MAP3K3: variants seen among roughly 807,000 people sequenced by gnomAD.
MAP3K3 encodes the protein MAP/ERK kinase kinase 3.
A neutral mutation model predicts 80.9 loss-of-function variants in MAP3K3; 12 were observed. The observed-to-expected ratio is 0.15, with a 90% CI of 0.10 to 0.24. MAP3K3 has a LOEUF of 0.24. Ranked by LOEUF, MAP3K3 falls within the 10% of genes least tolerant of loss-of-function variation. The pLI is 1.00. For synonymous variants in MAP3K3, 272 were observed against 307.1 expected (o/e 0.89, Z 1.19); for missense variants, 596 against 834.7 (o/e 0.71, Z 3.52).
chr17:63,688,904 C>T (rs771710129), intron 10 of MAP3K3, 23 bp downstream of exon 10: 13 of 1,576,394 alleles, frequency 8.2e-6, no homozygotes, highest in East Asian at 2.2e-5. Context: ...TCACCTGCTC[C>T]CTGCTGGCTG....
intron 5 of MAP3K3, among the ~76,000 whole-genome samples, chr17:63,658,657 A>T (rs1180311260): frequency 6.6e-6 from 1 of 151,992 alleles, no homozygotes; most frequent in Non-Finnish European, 1.5e-5. Flanking sequence ...TGGACAGCCA[A>T]CATGGCAGCA....
At position 63,689,841 on chromosome 17, in the gene MAP3K3, C is replaced by A; in HGVS notation, c.1063+106C>A. ...GACCCTTAGGCTCAGCAGGTGGTGG[C>A]TTTGGCCCAAATGCACCACATGGGA... On this transcript the variant is annotated intron_variant, in intron 11 of 15. Transcript: ENST00000361733. The surrounding 1 kb of genome is among the most constrained non-coding windows in gnomAD (Gnocchi z 4.3). The A allele has an allele frequency of 8.8e-7, 1 of 1,139,038 alleles. No homozygotes were observed. Among genetic ancestry groups the A allele is most frequent in the African/African-American group, 1.6e-5 (1 of 64,126 alleles). 70.6% of individuals were successfully genotyped at this position (1,139,038 alleles called of 1,614,324 possible).
chr17:63,631,728 G>A (rs1398652050), intron 1 of MAP3K3, among the ~76,000 whole-genome samples: 5 of 152,182 alleles, frequency 3.3e-5, no homozygotes, highest in Non-Finnish European at 7.3e-5. Context: ...GGGATTAAAA[G>A]TAATGCCAGT....
chr17:63,628,320 T>C (rs1250639304), intron 1 of MAP3K3, among the ~76,000 whole-genome samples: 2 of 152,184 alleles, frequency 1.3e-5, no homozygotes, highest in Non-Finnish European at 2.9e-5. Flanking sequence ...TTTTTATACA[T>C]TTGTATTTAT....
chr17:63,654,871 G>A (rs762237596), intron 4 of MAP3K3, among the ~76,000 whole-genome samples: 8 of 151,958 alleles, frequency 5.3e-5, no homozygotes, highest in Non-Finnish European at 8.8e-5. Context: ...CGCCGTCTCT[G>A]CTGCTGATAT....
Position 63,666,969 on chromosome 17 carries a change from C to T in MAP3K3, c.411C>T (p.Ser137=), listed in dbSNP as rs746273875. Residue 137 remains serine, a synonymous_variant, in exon 6 of 16, where the codon TCC becomes TCT. Transcript: ENST00000361733. ...GTTCCTCTCCCCACTCTGGGGTGTCCAGACAGGTGCGGATCAAGGCTTCCC... is the reference window on the plus strand; with the variant it reads ...GTTCCTCTCCCCACTCTGGGGTGTCTAGACAGGTGCGGATCAAGGCTTCCC... ...HNSSSPHSGV[S]RQVRIKASQS... 10 of 1,613,062 alleles carry T rather than the reference C, an allele frequency of 6.2e-6. No homozygotes were observed. Among genetic ancestry groups the T allele is most frequent in the Non-Finnish European group, 8.5e-6 (10 of 1,179,752 alleles).
intron 2 of MAP3K3, among the ~76,000 whole-genome samples, chr17:63,643,200 A>G (rs1244788694): frequency 1.3e-5 from 2 of 152,186 alleles, no homozygotes; most frequent in African/African-American, 4.8e-5. Context: ...TACTAATGTA[A>G]GATATTAATA....
At chr17:63,655,606 T>G (rs2034750535) in intron 4 of MAP3K3, among the ~76,000 whole-genome samples, 1 of 152,032 alleles carries the variant, frequency 6.6e-6, no homozygotes, top group Admixed American at 6.6e-5. Flanking sequence ...TCCCCCCACC[T>G]CAGTTTCCCC....
At chr17:63,671,790 G>A (rs963535574) in intron 6 of MAP3K3, among the ~76,000 whole-genome samples, 1 of 152,120 alleles carries the variant, frequency 6.6e-6, no homozygotes, top group African/African-American at 2.4e-5. Flanking sequence ...AATATCAGTT[G>A]ATATATCCTA....
chr17:63,667,157 T>TA, intron 6 of MAP3K3, 97 bp downstream of exon 6: 1 of 1,322,758 alleles, frequency 7.6e-7, no homozygotes, highest in Non-Finnish European at 1.0e-6. Flanking sequence ...ATCAAATATT[T>TA]ATTAACTATT....
rs144206452 is a variant in MAP3K3 at position 63,683,594 on chromosome 17, T to C, written c.636+1695T>C. Among the ~76,000 whole-genome samples, 11 of 152,266 alleles carry C rather than the reference T, an allele frequency of 7.2e-5. No homozygotes were observed. In the East Asian group the frequency reaches 2.1e-3, roughly 29 times the overall value. On this transcript the variant is annotated intron_variant, in intron 7 of 15. Coordinates refer to ENST00000361733, the MANE Select transcript of MAP3K3 (RefSeq NM_002401.5). ...GGCCAAGGAAGGCAGTGGTTGGGGA[T>C]TGCCAAGGTCCTCCCCCAGCGCCTG...
intron 1 of MAP3K3, among the ~76,000 whole-genome samples, chr17:63,623,337 C>A (rs983638655): frequency 6.6e-6 from 1 of 152,198 alleles, no homozygotes; most frequent in African/African-American, 2.4e-5. Context: ...GAGCTGTGAT[C>A]AAGCGCGCGG....
chr17:63,632,438 G>T (rs779082692), intron 1 of MAP3K3, among the ~76,000 whole-genome samples: 1 of 152,182 alleles, frequency 6.6e-6, no homozygotes, highest in East Asian at 1.9e-4. Context: ...GCTGCAGTGA[G>T]CTATGATCAC....
In MAP3K3 at chr17:63,681,860, C is replaced by T. The variant is rs1295931592; in HGVS notation, c.597C>T (p.Asn199=). 3 of 1,536,952 alleles carry T rather than the reference C, an allele frequency of 2.0e-6. No homozygotes were observed. Among genetic ancestry groups the T allele is most frequent in the African/African-American group, 2.8e-5 (2 of 72,152 alleles). Residue 199 remains asparagine, a synonymous_variant, in exon 7 of 16, where the codon AAC becomes AAT. Transcript: ENST00000361733. Reference sequence around the variant, plus strand: ...GGCAGGGGTCCTACACCAGCATCAACAGTGAGGGGGAGTTCATCCCAGAGA... The same window carrying T: ...GGCAGGGGTCCTACACCAGCATCAATAGTGAGGGGGAGTTCATCCCAGAGA... The part of the protein sequence containing the change: ...IARQGSYTSI[N]SEGEFIPETS...
chr17:63,665,386 T>C (rs931652308), intron 5 of MAP3K3, among the ~76,000 whole-genome samples: 13 of 151,962 alleles, frequency 8.6e-5, no homozygotes, highest in African/African-American at 2.9e-4. Flanking sequence ...AGGATGGTCT[T>C]GATCTCCTGA....
At chr17:63,671,946 A>G (rs1475697496) in intron 6 of MAP3K3, among the ~76,000 whole-genome samples, 1 of 151,640 alleles carries the variant, frequency 6.6e-6, no homozygotes, top group Non-Finnish European at 1.5e-5. Flanking sequence ...CAGGAGTTTG[A>G]GCTTAGCCTA....
chr17:63,682,576 A>G (rs934240123), intron 7 of MAP3K3: 2 of 147,338 alleles, frequency 1.4e-5, no homozygotes, highest in Admixed American at 6.7e-5. Flanking sequence ...CTAAGCTCAG[A>G]TGGTTGTTGC....
At chr17:63,630,441 C>T (rs1275842857) in intron 1 of MAP3K3, among the ~76,000 whole-genome samples, 1 of 152,154 alleles carries the variant, frequency 6.6e-6, no homozygotes, top group African/African-American at 2.4e-5. Context: ...GATCCTTCCA[C>T]CTAAGCCTCT....
chr17:63,681,326 C>A (rs1339420866), intron 6 of MAP3K3, among the ~76,000 whole-genome samples: 1 of 152,028 alleles, frequency 6.6e-6, no homozygotes, highest in Admixed American at 6.6e-5. Context: ...TTTCCCTGGT[C>A]CCCACCCTCA....
Sources: gnomAD v4.1 joint callset for allele counts (sites outside exome capture counted in the v4.1 genomes callset) on GRCh38, gnomAD v4.1.1 for gene constraint, Gnocchi (gnomAD v3.1) non-coding constraint, MANE v1.5 for transcripts, NCBI Gene and HGNC (gene_info 2026-07-23, HGNC 2026-07-21) for gene names.